NFATC1: variants seen among roughly 807,000 people sequenced by gnomAD.
NFATC1 encodes the protein nuclear factor of activated T cells 1.
Under a neutral mutation model 76.0 loss-of-function variants are expected in NFATC1, and 22 were observed. That is an observed-to-expected ratio of 0.29 (90% CI 0.21 to 0.41). The LOEUF (loss-of-function observed/expected upper bound fraction) is 0.41. Among genes scored for constraint, NFATC1 ranks in the 10% least tolerant of loss-of-function variants. NFATC1 has a pLI of 1.00. For missense variants in NFATC1, 1,357 were observed against 1,337.7 expected (o/e 1.01, Z -0.23); for synonymous variants, 704 against 613.1 (o/e 1.15, Z -2.19).
intron 3 of NFATC1, 186 bp from the exon 4 acceptor site, chr18:79,448,596 T>G: frequency 3.2e-6 from 2 of 624,008 alleles, no homozygotes; most frequent in Non-Finnish European, 5.6e-6. Flanking sequence ...CCCAGGTCCA[T>G]TGGGATAACA....
chr18:79,475,401 A>G (rs1177872420), intron 8 of NFATC1, among the ~76,000 whole-genome samples: 1 of 149,512 alleles, frequency 6.7e-6, no homozygotes, highest in Non-Finnish European at 1.5e-5. Context: ...GCGTGTTCTC[A>G]CGCTCACCGT....
chr18:79,411,743 A>C (rs2085694627), intron 2 of NFATC1, among the ~76,000 whole-genome samples: 1 of 152,084 alleles, frequency 6.6e-6, no homozygotes, highest in African/African-American at 2.4e-5. Flanking sequence ...TTCCCATCTG[A>C]AGTCTCCAGA....
intron 3 of NFATC1, among the ~76,000 whole-genome samples, chr18:79,447,468 G>A (rs1449018851): frequency 6.6e-6 from 1 of 152,192 alleles, no homozygotes; most frequent in East Asian, 1.9e-4. Flanking sequence ...TTAGTTTAGT[G>A]AGAAAATCGA....
Position 79,520,228 on chromosome 18 carries a change from C to T in NFATC1, c.2783-7300C>T, listed in dbSNP as rs762285674. ...TCCCCCGCTGCGCTGCCGGGAGGTC[C>T]GGACGAAATGTTGGAGCTGGAGAGT... On this transcript the variant is annotated intron_variant, in intron 9 of 9. Coordinates refer to ENST00000427363, the MANE Select transcript of NFATC1 (RefSeq NM_001278669.2). Among the ~76,000 whole-genome samples the T allele has an allele frequency of 5.3e-4, 80 of 152,110 alleles. 1 individual carries two copies. The highest frequency in any genetic ancestry group is 1.0e-3 in the Non-Finnish European group (68 of 68,020).
At chr18:79,512,984 A>G (rs904430923) in intron 9 of NFATC1, among the ~76,000 whole-genome samples, 4 of 152,232 alleles carry the variant, frequency 2.6e-5, no homozygotes, top group East Asian at 1.9e-4. Flanking sequence ...TCATGTGCCT[A>G]TAAGATGGGA....
chr18:79,414,433 G>A (rs890796962), intron 2 of NFATC1, among the ~76,000 whole-genome samples: 5 of 152,194 alleles, frequency 3.3e-5, no homozygotes, highest in African/African-American at 1.2e-4. Flanking sequence ...GGACCGTCTA[G>A]GATTGTTGTC....
intron 9 of NFATC1, among the ~76,000 whole-genome samples, chr18:79,492,569 A>C (rs546465132): frequency 2.0e-5 from 3 of 152,166 alleles, no homozygotes; most frequent in East Asian, 3.9e-4. Context: ...ATTAGCCGGG[A>C]GTGGTGGCGG....
At chr18:79,419,394 G>C (rs1264099094) in intron 2 of NFATC1, among the ~76,000 whole-genome samples, 2 of 151,416 alleles carry the variant, frequency 1.3e-5, no homozygotes, top group East Asian at 3.9e-4. Context: ...CCCTAGGAGG[G>C]TCAGAACCTG....
chr18:79,491,225 TAGAA>T (rs1357435959), intron 9 of NFATC1, among the ~76,000 whole-genome samples: 3 of 152,072 alleles, frequency 2.0e-5, no homozygotes, highest in Non-Finnish European at 2.9e-5. Flanking sequence ...GTCGCTGGCT[TAGAA>T]AGCAGGCAAG....
At chr18:79,469,176 T>C (rs781058067) in intron 8 of NFATC1, 15 of 306,958 alleles carry the variant, frequency 4.9e-5, no homozygotes, top group Admixed American at 1.3e-4. Context: ...GAAAATATTT[T>C]ATCTTTTTCT....
intron 7 of NFATC1, among the ~76,000 whole-genome samples, chr18:79,464,494 TA>T (rs141241544): frequency 5.3e-5 from 8 of 151,352 alleles, no homozygotes; most frequent in Non-Finnish European, 1.2e-4. Context: ...TTGGACAATA[TA>T]AAAAAGGAAA....
chr18:79,424,628 CGTCTGTCTCTCT>C (rs2086222114), intron 2 of NFATC1, among the ~76,000 whole-genome samples: 1 of 120,150 alleles, frequency 8.3e-6, no homozygotes, highest in African/African-American at 3.2e-5. Flanking sequence ...TCTGTCTCTC[CGTCTGTCTCTCT>C]GTCTCTCTTT....
chr18:79,473,399 G>A (rs1414476436), intron 8 of NFATC1, among the ~76,000 whole-genome samples: 20 of 152,248 alleles, frequency 1.3e-4, no homozygotes, highest in South Asian at 8.3e-4. Context: ...TGCGAGGGAA[G>A]CGTGTTCTCA....
intron 9 of NFATC1, among the ~76,000 whole-genome samples, chr18:79,504,303 T>G (rs900615122): frequency 2.0e-5 from 3 of 152,176 alleles, no homozygotes; most frequent in African/African-American, 7.2e-5. Flanking sequence ...TCCTTGCCCT[T>G]GAACTTTTAC....
At chr18:79,414,324 C>T (rs2085803368) in intron 2 of NFATC1, among the ~76,000 whole-genome samples, 1 of 152,192 alleles carries the variant, frequency 6.6e-6, no homozygotes, top group Non-Finnish European at 1.5e-5. Flanking sequence ...ACATGCCCAT[C>T]TTCTCCCCAC....
intron 9 of NFATC1, among the ~76,000 whole-genome samples, chr18:79,506,360 C>A (rs2090121139): frequency 6.6e-6 from 1 of 152,134 alleles, no homozygotes; most frequent in Non-Finnish European, 1.5e-5. Context: ...TGCGCCTTGT[C>A]CCCCCATCTT....
At chr18:79,526,580 G>A (rs952592962) in intron 9 of NFATC1, among the ~76,000 whole-genome samples, 3 of 152,224 alleles carry the variant, frequency 2.0e-5, no homozygotes, top group East Asian at 3.9e-4. Flanking sequence ...AGCCAGCCTC[G>A]GGTGTGTGTT....
In NFATC1 at chr18:79,486,331, C is replaced by G. The variant is rs777046421; in HGVS notation, c.2176C>G (p.Pro726Ala). The change falls in exon 9 of 10, where the codon CCA (proline) becomes GCA (alanine). Residue 726 changes from proline (P) to alanine (A), a missense_variant. Pro to Ala is a conservative substitution (Grantham distance 27). This residue lies in a region of NFATC1 where 424 missense variants were observed against 395.4 expected (regional missense o/e 1.07). Coordinates refer to ENST00000427363, the MANE Select transcript of NFATC1 (RefSeq NM_001278669.2). Reference sequence around the variant, plus strand: ...GGTGAGCCAGGGGTTAAGTCCTCTCCCAAGACCATACTACAGCCAGCAGCT... The same window carrying G: ...GGTGAGCCAGGGGTTAAGTCCTCTCGCAAGACCATACTACAGCCAGCAGCT... ...GPVSQGLSPL[P>A]RPYYSQQLAM... 6.2e-7 allele frequency: 1 copy of G among 1,613,224 alleles called. No homozygotes were observed. The highest frequency in any genetic ancestry group is 8.5e-7 in the Non-Finnish European group (1 of 1,180,016).
At chr18:79,505,684 T>C (rs372286980) in intron 9 of NFATC1, among the ~76,000 whole-genome samples, 2,110 of 75,864 alleles carry the variant, frequency 0.028, 12 homozygotes, top group African/African-American at 0.059. Context: ...GAGACTGCTG[T>C]GTGGGAGGAG....
Sources: gnomAD v4.1 joint callset for allele counts (sites outside exome capture counted in the v4.1 genomes callset) on GRCh38, gnomAD v4.1.1 for gene constraint, gnomAD v4.1.1 regional missense constraint, MANE v1.5 for transcripts, NCBI Gene and HGNC (gene_info 2026-07-23, HGNC 2026-07-21) for gene names.